UBR3: variants seen among roughly 807,000 people sequenced by gnomAD.
UBR3 encodes ubiquitin protein ligase E3 component n-recognin 3, also known as E3 ubiquitin-protein ligase UBR3.
UBR3 carries 85 observed loss-of-function variants against 243.2 expected under a neutral mutation model. The observed-to-expected ratio is 0.35, with a 90% CI of 0.29 to 0.42. UBR3 has a LOEUF of 0.42. UBR3 is among the 10% of genes least tolerant of loss of function. UBR3 has a pLI of 1.00. For missense variants in UBR3, 1,686 were observed against 2,300.8 expected (o/e 0.73, Z 5.47); for synonymous variants, 748 against 799.8 (o/e 0.94, Z 1.09).
intron 8 of UBR3, among the ~76,000 whole-genome samples, chr2:169,901,617 A>G (rs1239804371): frequency 6.6e-6 from 1 of 152,150 alleles, no homozygotes; most frequent in African/African-American, 2.4e-5. Flanking sequence ...GTTAGATGAT[A>G]TTTTAAAATT....
chr2:169,867,057 A>G (rs2083287592), intron 1 of UBR3, among the ~76,000 whole-genome samples: 1 of 152,234 alleles, frequency 6.6e-6, no homozygotes, highest in Admixed American at 6.5e-5. Flanking sequence ...AACCAAATGT[A>G]TGGCATAACT....
chr2:169,934,290 A>C (rs918580294), intron 19 of UBR3, among the ~76,000 whole-genome samples: 1 of 152,132 alleles, frequency 6.6e-6, no homozygotes, highest in African/African-American at 2.4e-5. Context: ...CCTTTTTTTC[A>C]GGGTAGTGAT....
chr2:169,938,855 G>A (rs951029157), intron 19 of UBR3, among the ~76,000 whole-genome samples: 26 of 151,998 alleles, frequency 1.7e-4, no homozygotes, highest in Non-Finnish European at 2.9e-5. Context: ...TGAGGTAGTG[G>A]TCCAACTTAA....
Position 169,836,027 on chromosome 2 carries a change from CTCTCTCTCTCTCTCTCTATATA to C in UBR3, c.545+7977_545+7998del, listed in dbSNP as rs1403988073. On this transcript the variant is annotated intron_variant, in intron 1 of 38. Coordinates refer to ENST00000272793, the MANE Select transcript of UBR3 (RefSeq NM_172070.4). ...TCTCTCTCTCTCTCTCTCTCTCTCTCTCTCTCTCTCTCTCTCTATATATATATATATATATATATATTTTTTT... is the reference window on the plus strand; with the variant it reads ...TCTCTCTCTCTCTCTCTCTCTCTCTCTATATATATATATATATATTTTTTT... Among the ~76,000 whole-genome samples the C allele has an allele frequency of 1.8e-3, 50 of 27,980 alleles. 1 individual carries two copies. The highest frequency in any genetic ancestry group is 2.8e-3 in the Non-Finnish European group (39 of 13,686). 18.4% of individuals were successfully genotyped at this position (27,980 alleles called of 152,430 possible).
At chr2:169,953,775 G>C (rs1286600914) in intron 23 of UBR3, among the ~76,000 whole-genome samples, 2 of 152,186 alleles carry the variant, frequency 1.3e-5, no homozygotes, top group Non-Finnish European at 2.9e-5. Flanking sequence ...CTAATTGTAA[G>C]TGTACATGTT....
chr2:170,014,354 C>CT (rs5836255), intron 29 of UBR3: 29,668 of 133,768 alleles, frequency 0.22, 3,316 homozygotes, highest in South Asian at 0.37. Context: ...GTTTTTTTTT[C>CT]TTTTTTTTTT....
chr2:170,048,620 T>C lies in UBR3; in HGVS notation c.4661-6840T>C, dbSNP rs536117767. On this transcript the variant is annotated intron_variant, in intron 32 of 38. Transcript: ENST00000272793. ...TGGCTAGCCTGCAGGATGCAACCTTTTATGAGAAATAAAGCCCTCGTTTCC... is the reference window on the plus strand; with the variant it reads ...TGGCTAGCCTGCAGGATGCAACCTTCTATGAGAAATAAAGCCCTCGTTTCC... Among the ~76,000 whole-genome samples, 8 of 152,322 alleles carry C rather than the reference T, an allele frequency of 5.3e-5. No individual in the cohort carries two copies. The East Asian group carries it at 1.5e-3, about 29-fold the overall frequency.
chr2:169,857,221 C>T (rs77578704), intron 1 of UBR3, among the ~76,000 whole-genome samples: 3,333 of 150,914 alleles, frequency 0.022, 113 homozygotes, highest in African/African-American at 0.075. Flanking sequence ...CTTACAGGCA[C>T]GTGTCACCAT....
intron 19 of UBR3, among the ~76,000 whole-genome samples, chr2:169,940,070 T>G (rs2086520120): frequency 6.6e-6 from 1 of 152,204 alleles, no homozygotes; most frequent in Non-Finnish European, 1.5e-5. Context: ...ACTTCTCTGA[T>G]AGTTTCATAC....
intron 24 of UBR3, among the ~76,000 whole-genome samples, chr2:169,966,206 G>A (rs190319996): frequency 7.2e-5 from 11 of 152,144 alleles, no homozygotes; most frequent in Admixed American, 7.2e-4. Flanking sequence ...CCATCTATGT[G>A]TAGGAGTCAA....
At chr2:169,949,570 CTT>C in intron 22 of UBR3, 33 bp from the exon 23 acceptor site, 1 of 1,471,366 alleles carries the variant, frequency 6.8e-7, no homozygotes, top group Non-Finnish European at 9.0e-7. Context: ...AATAACTTCT[CTT>C]GATTTTTCTT....
At chr2:169,882,139 A>G (rs1308677288) in intron 5 of UBR3, among the ~76,000 whole-genome samples, 1 of 129,988 alleles carries the variant, frequency 7.7e-6, no homozygotes, top group Non-Finnish European at 1.5e-5. Context: ...ACATATATTT[A>G]TATTATATAT....
At chr2:170,076,859 T>C (rs138924640) in intron 36 of UBR3, among the ~76,000 whole-genome samples, 15 of 152,296 alleles carry the variant, frequency 9.8e-5, no homozygotes, top group Admixed American at 8.5e-4. Flanking sequence ...GCTTGGTCTA[T>C]GGTAGGGGTG....
In UBR3 at chr2:169,855,354, A is replaced by T. The variant is rs190674986; in HGVS notation, c.546-16882A>T. 3.1e-3 allele frequency among the ~76,000 whole-genome samples: 463 copies of T among 151,346 alleles called. 23 individuals are homozygous for T. In the East Asian group the frequency reaches 0.066, roughly 21 times the overall value. On this transcript the variant is annotated intron_variant, in intron 1 of 38. Coordinates refer to ENST00000272793, the MANE Select transcript of UBR3 (RefSeq NM_172070.4). The stretch of plus-strand genomic sequence containing the variant: ...TTTATTTTTTAATTTTTTAATTTTT[A>T]TTTTTTTTAGTATTTATTGATCATT...
Position 170,077,229 on chromosome 2 carries a change from C to G in UBR3, c.5200-2585C>G, listed in dbSNP as rs115381811. Reference sequence around the variant, plus strand: ...AAATATCTATGAAAGTGCTGTCAGACCAGTAAGACTGCATTTATACATCCA... The same window carrying G: ...AAATATCTATGAAAGTGCTGTCAGAGCAGTAAGACTGCATTTATACATCCA... On this transcript the variant is annotated intron_variant, in intron 36 of 38. Coordinates refer to ENST00000272793, the MANE Select transcript of UBR3 (RefSeq NM_172070.4). 1,766 of 718,842 alleles carry G rather than the reference C, an allele frequency of 2.5e-3. 21 individuals are homozygous for G. In the African/African-American group the frequency reaches 0.026, roughly 10 times the overall value. 44.5% of individuals were successfully genotyped at this position (718,842 alleles called of 1,614,324 possible). A position where few individuals can be genotyped will look rare whatever the true frequency, so the allele number is the denominator to read the frequency against.
In UBR3 at chr2:169,921,344, A is replaced by C. The variant is rs936008000; in HGVS notation, c.1867-2585A>C. Among the ~76,000 whole-genome samples, 6 of 152,210 alleles carry C rather than the reference A, an allele frequency of 3.9e-5. 1 individual carries two copies. In the South Asian group the frequency reaches 1.2e-3, roughly 31 times the overall value. ...GTAGAGTTAGCAGCTGAAGCTGTGA[A>C]TCTGGATAAATTCACATAGAAGACT... On this transcript the variant is annotated intron_variant, in intron 11 of 38. Transcript: ENST00000272793.
rs1379090658 is a variant in UBR3 at position 170,052,571 on chromosome 2, A to G, written c.4661-2889A>G. 3.3e-5 allele frequency among the ~76,000 whole-genome samples: 5 copies of G among 152,384 alleles called. No homozygotes were observed. In the East Asian group the frequency reaches 9.6e-4, roughly 29 times the overall value. Reference sequence around the variant, plus strand: ...GACAGCATGGATGAACCCATAGGACATTATGCTAAATGAAATAAGCCACAA... The same window carrying G: ...GACAGCATGGATGAACCCATAGGACGTTATGCTAAATGAAATAAGCCACAA... On this transcript the variant is annotated intron_variant, in intron 32 of 38. Transcript: ENST00000272793.
At chr2:169,990,743 A>ATG (rs2089238567) in intron 25 of UBR3, among the ~76,000 whole-genome samples, 2 of 148,450 alleles carry the variant, frequency 1.3e-5, no homozygotes, top group Admixed American at 1.3e-4. Flanking sequence ...ACACACACAC[A>ATG]CACACATAAA....
chr2:169,958,667 G>T, intron 24 of UBR3, 141 bp downstream of exon 24: 1 of 648,320 alleles, frequency 1.5e-6, no homozygotes. Context: ...ATATAGTGAT[G>T]GAAGATCAGA....
Sources: gnomAD v4.1 joint callset for allele counts (sites outside exome capture counted in the v4.1 genomes callset) on GRCh38, gnomAD v4.1.1 for gene constraint, MANE v1.5 for transcripts, NCBI Gene and HGNC (gene_info 2026-07-23, HGNC 2026-07-21) for gene names.